Variants in ZNF618 observed in about 807,000 individuals in gnomAD.
ZNF618 encodes zinc finger protein 618.
ZNF618 carries 34 observed loss-of-function variants against 103.0 expected under a neutral mutation model. That is an observed-to-expected ratio of 0.33 (90% CI 0.25 to 0.44). The LOEUF is 0.44. ZNF618 is among the 20% of genes least tolerant of loss of function. The probability of loss-of-function intolerance (pLI) is 1.00; values close to 1 mark genes in which losing one functional copy is unlikely to be tolerated. For synonymous variants in ZNF618, 551 were observed against 542.2 expected (o/e 1.02, Z -0.23); for missense variants, 1,059 against 1,295.4 (o/e 0.82, Z 2.80).
chr9:113,909,350 A>G (rs939583230), intron 1 of ZNF618, among the ~76,000 whole-genome samples: 1 of 152,054 alleles, frequency 6.6e-6, no homozygotes, highest in African/African-American at 2.4e-5. Flanking sequence ...TGGGTGGAGT[A>G]TCGTGACTGG....
intron 6 of ZNF618, among the ~76,000 whole-genome samples, chr9:114,005,234 G>A (rs1037229681): frequency 6.6e-6 from 1 of 152,176 alleles, no homozygotes; most frequent in Admixed American, 6.5e-5. Flanking sequence ...CTCCCTGAAC[G>A]GATTCACAGT....
intron 13 of ZNF618, among the ~76,000 whole-genome samples, chr9:114,045,371 T>C (rs1845565895): frequency 6.6e-6 from 1 of 152,106 alleles, no homozygotes; most frequent in Non-Finnish European, 1.5e-5. Context: ...TAGGTCTGTA[T>C]TCCATTTTGA....
intron 5 of ZNF618, 119 bp from the exon 6 acceptor site, chr9:114,002,505 G>A: frequency 9.0e-7 from 1 of 1,108,486 alleles, no homozygotes; most frequent in Non-Finnish European, 1.3e-6. Context: ...GGCATCAGGG[G>A]CCCGGTGCGG....
rs1001819353 is a variant in ZNF618, at chr9:114,013,622, G to A, written c.755-3073G>A. ...ATTTTTTTATATTTTTAGTAGAGAC[G>A]GGGTTTCACCGTGTTAGCCAGGATG... On this transcript the variant is annotated intron_variant, in intron 9 of 14. Transcript: ENST00000374126. 5.9e-5 allele frequency among the ~76,000 whole-genome samples: 9 copies of A among 152,190 alleles called. No homozygotes were observed. In the South Asian group the frequency reaches 1.5e-3, roughly 25 times the overall value.
Position 114,055,442 on chromosome 9 carries a change from G to C in ZNF618, c.*5275G>C, listed in dbSNP as rs1382756553. The C allele has an allele frequency of 6.6e-6, 1 of 152,628 alleles. No homozygotes were observed. The highest frequency in any genetic ancestry group is 2.4e-5 in the African/African-American group (1 of 41,444). The allele number at this position is 152,628 out of a possible 1,614,324, so 9.5% of individuals were successfully genotyped here. ...AGGAAATCATTTTGTACAACCACCCGAAGCAGAGATATTTTTTAAGAAGCG... is the reference window on the plus strand; with the variant it reads ...AGGAAATCATTTTGTACAACCACCCCAAGCAGAGATATTTTTTAAGAAGCG... On this transcript the variant is annotated 3_prime_UTR_variant, in exon 15 of 15. Coordinates refer to ENST00000374126, the MANE Select transcript of ZNF618 (RefSeq NM_001318042.2).
chr9:114,001,358 G>A (rs751502931), intron 4 of ZNF618, among the ~76,000 whole-genome samples: 36 of 152,126 alleles, frequency 2.4e-4, no homozygotes, highest in African/African-American at 8.2e-4. Flanking sequence ...TGTGGGGGGC[G>A]GTCCTCTCCT....
At position 113,938,165 on chromosome 9, in the gene ZNF618, G is replaced by GTTTT. The variant is rs770850585; in HGVS notation, c.34-30933_34-30930dup. Among the ~76,000 whole-genome samples, 109 of 95,494 alleles carry GTTTT rather than the reference G, an allele frequency of 1.1e-3. 1 individual carries two copies. The highest frequency in any genetic ancestry group is 2.2e-3 in the African/African-American group (55 of 24,978). The allele number at this position is 95,494 out of a possible 152,430, so 62.6% of individuals were successfully genotyped here. On this transcript the variant is annotated intron_variant, in intron 1 of 14. Transcript: ENST00000374126. ...GTTTTTAGGAAAGCTTCAGGCTCCTGTTTTTTTTTTTTTTTTTTTTTTGAG... is the reference window on the plus strand; with the variant it reads ...GTTTTTAGGAAAGCTTCAGGCTCCTGTTTTTTTTTTTTTTTTTTTTTTTTTTGAG...
intron 1 of ZNF618, among the ~76,000 whole-genome samples, chr9:113,907,746 A>G (rs1471870487): frequency 1.3e-5 from 2 of 152,182 alleles, no homozygotes; most frequent in East Asian, 1.9e-4. Flanking sequence ...TCCCCAGGCA[A>G]TGCTTCCACA....
chr9:114,018,391 A>G (rs1169824406), intron 10 of ZNF618, among the ~76,000 whole-genome samples: 2 of 152,240 alleles, frequency 1.3e-5, no homozygotes, highest in Non-Finnish European at 2.9e-5. Context: ...TGAAGCAGCA[A>G]CTGCCCTGCT....
At chr9:113,892,223 G>A (rs1173869551) in intron 1 of ZNF618, among the ~76,000 whole-genome samples, 1 of 152,128 alleles carries the variant, frequency 6.6e-6, no homozygotes, top group East Asian at 1.9e-4. Context: ...AAAATCCATG[G>A]ATGCCCAAGT....
chr9:114,003,713 G>A (rs975354909), intron 6 of ZNF618, among the ~76,000 whole-genome samples: 1 of 152,168 alleles, frequency 6.6e-6, no homozygotes, highest in Non-Finnish European at 1.5e-5. Flanking sequence ...GGGCTTCAGG[G>A]TTCTGTTTCT....
At chr9:113,916,628 G>A (rs1832108747) in intron 1 of ZNF618, among the ~76,000 whole-genome samples, 1 of 152,154 alleles carries the variant, frequency 6.6e-6, no homozygotes, top group African/African-American at 2.4e-5. Context: ...TCATGCAGGT[G>A]GCAGTTACCC....
rs563782172 is a variant in ZNF618, at chr9:113,937,669, T to C, written c.34-31448T>C. Among the ~76,000 whole-genome samples the C allele has an allele frequency of 3.3e-5, 5 of 152,346 alleles. No individual in the cohort carries two copies. In the South Asian group the frequency reaches 1.0e-3, roughly 32 times the overall value. On this transcript the variant is annotated intron_variant, in intron 1 of 14. Coordinates refer to ENST00000374126, the MANE Select transcript of ZNF618 (RefSeq NM_001318042.2). ...ATGTTTCCTTACAATTATATTCAGG[T>C]TAAGCACTTTGTGCAGTAATGCCCA...
chr9:114,016,631 A>G, intron 9 of ZNF618, 64 bp from the exon 10 acceptor site: 1 of 1,316,960 alleles, frequency 7.6e-7, no homozygotes. Flanking sequence ...GGGTGGGAGC[A>G]CGCTGATGCT....
intron 1 of ZNF618, among the ~76,000 whole-genome samples, chr9:113,887,805 T>G (rs1272092354): frequency 6.6e-6 from 1 of 152,262 alleles, no homozygotes; most frequent in East Asian, 1.9e-4. Context: ...AAAGGAAGTT[T>G]GAGCCATGTG....
chr9:113,936,108 C>T (rs1398961383), intron 1 of ZNF618, among the ~76,000 whole-genome samples: 1 of 152,098 alleles, frequency 6.6e-6, no homozygotes, highest in Non-Finnish European at 1.5e-5. Context: ...GCTCGAGCCT[C>T]CATGTCCTGT....
chr9:113,936,587 C>T (rs1477530734), intron 1 of ZNF618, among the ~76,000 whole-genome samples: 1 of 152,176 alleles, frequency 6.6e-6, no homozygotes, highest in Non-Finnish European at 1.5e-5. Context: ...GGGCCTGTGA[C>T]CAAAGGTCCC....
chr9:114,045,684 T>A (rs1312410730), intron 13 of ZNF618, among the ~76,000 whole-genome samples: 1 of 152,058 alleles, frequency 6.6e-6, no homozygotes, highest in African/African-American at 2.4e-5. Context: ...CTAAATTGTT[T>A]TGGCTATTCT....
chr9:113,916,620 A>C (rs1832107505), intron 1 of ZNF618, among the ~76,000 whole-genome samples: 1 of 152,222 alleles, frequency 6.6e-6, no homozygotes, highest in Admixed American at 6.5e-5. Context: ...GTTAAGAATC[A>C]TGCAGGTGGC....
Sources: gnomAD v4.1 joint callset for allele counts (sites outside exome capture counted in the v4.1 genomes callset) on GRCh38, gnomAD v4.1.1 for gene constraint, MANE v1.5 for transcripts, NCBI Gene and HGNC (gene_info 2026-07-23, HGNC 2026-07-21) for gene names.